RBFOX1: variants seen among roughly 807,000 people sequenced by gnomAD.
RBFOX1 encodes RNA binding protein fox-1 homolog 1.
Under a neutral mutation model 57.7 loss-of-function variants are expected in RBFOX1, and 8 were observed. The ratio of observed to expected loss-of-function variants is 0.14; its 90% confidence interval spans 0.08 to 0.25. The LOEUF is 0.25. RBFOX1 is among the 10% of genes least tolerant of loss of function. The pLI, the probability that RBFOX1 is intolerant of heterozygous loss-of-function variation, is 1.00. For missense variants in RBFOX1, 611 were observed against 548.5 expected (o/e 1.11, Z -1.14); for synonymous variants, 326 against 222.4 (o/e 1.47, Z -4.15).
chr16:5,861,303 ATG>A (rs1262288860), intron 3 of RBFOX1, among the ~76,000 whole-genome samples: 2 of 152,200 alleles, frequency 1.3e-5, no homozygotes, highest in Admixed American at 6.5e-5. Flanking sequence ...ACAGGTGACT[ATG>A]TGACTGAGCT....
intron 3 of RBFOX1, chr16:7,003,887 G>A (rs1382165232): frequency 1.3e-5 from 2 of 152,118 alleles, no homozygotes; most frequent in Non-Finnish European, 2.9e-5. Context: ...TGGTAAATTG[G>A]CTTTCAGTGG....
rs952589914 is a variant in RBFOX1 at position 6,539,491 on chromosome 16, A to G, written c.-63-115112A>G. 2.0e-5 allele frequency among the ~76,000 whole-genome samples: 3 copies of G among 152,058 alleles called. No homozygotes were observed. In the South Asian group the frequency reaches 6.2e-4, roughly 32 times the overall value. ...CATAGTTTGGGTCTATTTGCACAAT[A>G]TACTTCTTTAAAACACACACGTACA... On this transcript the variant is annotated intron_variant, in intron 2 of 15. Transcript: ENST00000550418.
chr16:6,070,230 A>G (rs1399925916), intron 1 of RBFOX1, among the ~76,000 whole-genome samples: 2 of 152,166 alleles, frequency 1.3e-5, no homozygotes, highest in South Asian at 2.1e-4. Flanking sequence ...TTTTGAGTAA[A>G]TATTCTGTAT....
chr16:7,313,934 A>G (rs552347537), intron 4 of RBFOX1, among the ~76,000 whole-genome samples: 3 of 152,308 alleles, frequency 2.0e-5, no homozygotes, highest in African/African-American at 7.2e-5. Flanking sequence ...CTGCGTTGGA[A>G]GAATAGCTCC....
At chr16:7,704,848 T>C (rs942742037) in intron 14 of RBFOX1, among the ~76,000 whole-genome samples, 3 of 150,462 alleles carry the variant, frequency 2.0e-5, no homozygotes, top group African/African-American at 7.3e-5. Context: ...GTTATGAGTT[T>C]GAGACCAGCC....
At chr16:5,451,601 A>G (rs2068427708) in intron 1 of RBFOX1, among the ~76,000 whole-genome samples, 1 of 152,160 alleles carries the variant, frequency 6.6e-6, no homozygotes, top group Non-Finnish European at 1.5e-5. Flanking sequence ...TAGAAACAGA[A>G]ATGACTATTA....
intron 3 of RBFOX1, among the ~76,000 whole-genome samples, chr16:6,855,164 G>A (rs945543738): frequency 6.6e-6 from 1 of 152,042 alleles, no homozygotes; most frequent in South Asian, 2.1e-4. Flanking sequence ...AGCTATACGT[G>A]TTCTGGTGAG....
intron 1 of RBFOX1, among the ~76,000 whole-genome samples, chr16:5,308,489 A>G (rs188020084): frequency 1.7e-3 from 263 of 152,262 alleles, no homozygotes; most frequent in African/African-American, 6.1e-3. Flanking sequence ...TGACTGATCA[A>G]TTTCAGTCAT....
intron 1 of RBFOX1, among the ~76,000 whole-genome samples, chr16:5,289,034 G>C (rs2063468921): frequency 6.6e-6 from 1 of 152,064 alleles, no homozygotes; most frequent in African/African-American, 2.4e-5. Flanking sequence ...CTGAGGCAGG[G>C]GAATCGCTTG....
chr16:7,198,405 T>G (rs1014793836), intron 4 of RBFOX1, among the ~76,000 whole-genome samples: 1 of 152,188 alleles, frequency 6.6e-6, no homozygotes, highest in Admixed American at 6.5e-5. Context: ...TGCTACTCAT[T>G]TGTACACTTA....
At chr16:7,252,700 T>A (rs988989520) in intron 4 of RBFOX1, among the ~76,000 whole-genome samples, 3 of 152,104 alleles carry the variant, frequency 2.0e-5, no homozygotes, top group East Asian at 3.9e-4. Flanking sequence ...ACATCCTTTT[T>A]TTTTTTTTTT....
intron 3 of RBFOX1, among the ~76,000 whole-genome samples, chr16:6,725,164 C>T (rs975162220): frequency 2.6e-5 from 4 of 151,230 alleles, no homozygotes; most frequent in African/African-American, 9.7e-5. Context: ...CATTCTCCTG[C>T]CTCAGCCTCC....
At chr16:7,572,662 AC>A (rs2092908738) in intron 5 of RBFOX1, among the ~76,000 whole-genome samples, 1 of 151,898 alleles carries the variant, frequency 6.6e-6, no homozygotes, top group South Asian at 2.1e-4. Flanking sequence ...ACGCGGTGAA[AC>A]CCTGTCTCTA....
intron 4 of RBFOX1, among the ~76,000 whole-genome samples, chr16:7,490,050 A>G (rs1310650256): frequency 6.6e-6 from 1 of 152,050 alleles, no homozygotes; most frequent in Admixed American, 6.6e-5. Context: ...TTTCTCTGTG[A>G]TTGCTCCCCC....
intron 2 of RBFOX1, among the ~76,000 whole-genome samples, chr16:6,633,428 C>T (rs1161534173): frequency 6.6e-6 from 1 of 152,130 alleles, no homozygotes; most frequent in African/African-American, 2.4e-5. Flanking sequence ...CAGGCATGCA[C>T]TACCACACCT....
intron 2 of RBFOX1, among the ~76,000 whole-genome samples, chr16:6,590,851 A>C (rs201032216): frequency 2.1e-5 from 3 of 142,500 alleles, no homozygotes; most frequent in African/African-American, 7.8e-5. Flanking sequence ...TTTGACATGC[A>C]AGAATTGTAC....
At position 6,078,483 on chromosome 16, in the gene RBFOX1, C is replaced by T. The variant is rs551505756; in HGVS notation, c.-127+58491C>T. 3.4e-4 allele frequency among the ~76,000 whole-genome samples: 51 copies of T among 152,118 alleles called. No homozygotes were observed. The South Asian group carries it at 7.9e-3, about 24-fold the overall frequency. On this transcript the variant is annotated intron_variant, in intron 1 of 15. Transcript: ENST00000550418. ...GTATGACCTGAGACACTTCTTCTTC[C>T]GCCGTGGCTCAGGGAAGCCAAAAGA...
chr16:6,706,203 C>T (rs1051921412), intron 3 of RBFOX1, among the ~76,000 whole-genome samples: 1 of 152,134 alleles, frequency 6.6e-6, no homozygotes, highest in South Asian at 2.1e-4. Flanking sequence ...GCCCTAAATT[C>T]CTCTCCTTAG....
chr16:6,498,962 A>T (rs1458081784), intron 2 of RBFOX1, among the ~76,000 whole-genome samples: 1 of 152,128 alleles, frequency 6.6e-6, no homozygotes, highest in African/African-American at 2.4e-5. Flanking sequence ...AATACACCCC[A>T]TTGGCAAAAA....
Sources: allele counts gnomAD v4.1 joint callset (sites outside exome capture counted in the v4.1 genomes callset), GRCh38; gene constraint gnomAD v4.1.1; transcripts MANE v1.5; gene names NCBI Gene and HGNC (gene_info 2026-07-23, HGNC 2026-07-21).